The following ATP1B3 variants were observed in gnomAD, a reference collection of about 807,000 sequenced individuals.
ATP1B3 encodes sodium/potassium-transporting ATPase subunit beta-3.
A neutral mutation model predicts 30.2 loss-of-function variants in ATP1B3; 10 were observed. The observed-to-expected ratio is 0.33, with a 90% CI of 0.20 to 0.56. ATP1B3 has a LOEUF of 0.56. Among genes scored for constraint, ATP1B3 ranks in the 20% least tolerant of loss-of-function variants. The pLI is 0.90. For synonymous variants in ATP1B3, 113 were observed against 117.0 expected (o/e 0.97, Z 0.22); for missense variants, 238 against 336.7 (o/e 0.71, Z 2.29).
intron 1 of ATP1B3, among the ~76,000 whole-genome samples, chr3:141,877,217 G>T (rs1933619105): frequency 6.6e-6 from 1 of 151,802 alleles, no homozygotes; most frequent in Non-Finnish European, 1.5e-5. Context: ...CGCGGCGCCG[G>T]AAGCCGGGGA....
At position 141,907,283 on chromosome 3, in the gene ATP1B3, G is replaced by A. The variant is rs1370810612; in HGVS notation, c.346+9G>A. The A allele has an allele frequency of 5.0e-6, 8 of 1,599,214 alleles. No homozygotes were observed. The South Asian group carries it at 7.8e-5, about 16-fold the overall frequency. On this transcript the variant is annotated intron_variant, in intron 3 of 6. Coordinates refer to ENST00000286371, the MANE Select transcript of ATP1B3 (RefSeq NM_001679.4). Reference sequence around the variant, plus strand: ...TAAGAAGTTTCTAAAACGTGAGTATGTTTTCTTAGAGTAAGGTCAGAGATT... The same window carrying A: ...TAAGAAGTTTCTAAAACGTGAGTATATTTTCTTAGAGTAAGGTCAGAGATT...
chr3:141,912,931 C>T (rs1339282539), intron 3 of ATP1B3, among the ~76,000 whole-genome samples: 2 of 152,190 alleles, frequency 1.3e-5, no homozygotes, highest in African/African-American at 2.4e-5. Flanking sequence ...AACTTGTTTT[C>T]CGGATCCTTT....
chr3:141,879,777 T>TCAAAAAACAAAAAAAA (rs1553743171), intron 1 of ATP1B3, among the ~76,000 whole-genome samples: 1 of 58,842 alleles, frequency 1.7e-5, no homozygotes, highest in Non-Finnish European at 3.4e-5. Context: ...AGTCTCCATC[T>TCAAAAAACAAAAAAAA]CAAAAAAAAA....
At chr3:141,906,003 A>G (rs1934258249) in intron 2 of ATP1B3, among the ~76,000 whole-genome samples, 1 of 150,994 alleles carries the variant, frequency 6.6e-6, no homozygotes, top group Non-Finnish European at 1.5e-5. Flanking sequence ...CTTATTTAAT[A>G]TATCACATGT....
intron 5 of ATP1B3, among the ~76,000 whole-genome samples, chr3:141,917,220 G>T (rs1348175582): frequency 6.6e-6 from 1 of 152,038 alleles, no homozygotes; most frequent in Non-Finnish European, 1.5e-5. Context: ...CCCACATTTT[G>T]AGAACTCCCG....
In ATP1B3 at chr3:141,919,448, A is replaced by G. The variant is rs372979107; in HGVS notation, c.583-2529A>G. Among the ~76,000 whole-genome samples, 48 of 152,320 alleles carry G rather than the reference A, an allele frequency of 3.2e-4. No individual in the cohort carries two copies. In the East Asian group the frequency reaches 9.1e-3, roughly 29 times the overall value. On this transcript the variant is annotated intron_variant, in intron 5 of 6. Coordinates refer to ENST00000286371, the MANE Select transcript of ATP1B3 (RefSeq NM_001679.4). Reference sequence around the variant, plus strand: ...GCCTTTTATATTATCAACTTAAAAGATGATCCTGCAAAAGATGTAATTTTC... The same window carrying G: ...GCCTTTTATATTATCAACTTAAAAGGTGATCCTGCAAAAGATGTAATTTTC...
chr3:141,922,658 C>T (rs756624783), intron 6 of ATP1B3, among the ~76,000 whole-genome samples: 131 of 148,684 alleles, frequency 8.8e-4, no homozygotes, highest in Middle Eastern at 3.7e-3. Flanking sequence ...GTTTCCCCCA[C>T]CAAAAAAATA....
chr3:141,901,861 A>T (rs1576394859), intron 1 of ATP1B3, among the ~76,000 whole-genome samples: 1 of 152,180 alleles, frequency 6.6e-6, no homozygotes, highest in African/African-American at 2.4e-5. Context: ...CTCCACTTTA[A>T]TGTCAACTGC....
intron 1 of ATP1B3, chr3:141,902,183 T>C (rs1248712866): frequency 7.8e-7 from 1 of 1,289,874 alleles, no homozygotes; most frequent in East Asian, 5.5e-5. Context: ...GGTGACATCC[T>C]GTTCTCCTCT....
At chr3:141,880,270 G>A (rs1933697688) in intron 1 of ATP1B3, among the ~76,000 whole-genome samples, 1 of 152,102 alleles carries the variant, frequency 6.6e-6, no homozygotes, top group Non-Finnish European at 1.5e-5. Context: ...CTGTGTATTT[G>A]GCTAATATCT....
chr3:141,896,768 C>T (rs567109475), intron 1 of ATP1B3, among the ~76,000 whole-genome samples: 1 of 152,166 alleles, frequency 6.6e-6, no homozygotes, highest in African/African-American at 2.4e-5. Flanking sequence ...TCACCTTCTA[C>T]TGTTTTAATT....
chr3:141,897,612 A>C (rs1934091526), intron 1 of ATP1B3, among the ~76,000 whole-genome samples: 1 of 152,218 alleles, frequency 6.6e-6, no homozygotes, highest in South Asian at 2.1e-4. Context: ...TTTATATTAC[A>C]ATAATTTTAA....
At chr3:141,892,897 A>G (rs1017362848) in intron 1 of ATP1B3, among the ~76,000 whole-genome samples, 1 of 152,268 alleles carries the variant, frequency 6.6e-6, no homozygotes, top group Non-Finnish European at 1.5e-5. Flanking sequence ...AATGGAGGAA[A>G]CTTACTATAT....
In ATP1B3 at chr3:141,908,364, C is replaced by T. The variant is rs534923072; in HGVS notation, c.346+1090C>T. On this transcript the variant is annotated intron_variant, in intron 3 of 6. Coordinates refer to ENST00000286371, the MANE Select transcript of ATP1B3 (RefSeq NM_001679.4). ...ATGTCCTGGCCTGCTGGTTCATGAT[C>T]AGCTCATCTCTTCCTCAGCCACAGA... Among the ~76,000 whole-genome samples, 23 of 152,242 alleles carry T rather than the reference C, an allele frequency of 1.5e-4. No individual in the cohort carries two copies. The South Asian group carries it at 4.4e-3, about 29-fold the overall frequency.
chr3:141,922,844 T>C (rs747788733), intron 6 of ATP1B3, among the ~76,000 whole-genome samples: 3 of 152,012 alleles, frequency 2.0e-5, no homozygotes, highest in Non-Finnish European at 4.4e-5. Flanking sequence ...CAGGCACCTG[T>C]AGTCCCAGCT....
chr3:141,894,615 C>G (rs36111803), intron 1 of ATP1B3, among the ~76,000 whole-genome samples: 2,054 of 151,380 alleles, frequency 0.014, 17 homozygotes, highest in Middle Eastern at 0.024. Context: ...CACAAACATG[C>G]ACATTAGCCT....
chr3:141,925,726 T>TA lies in ATP1B3; in HGVS notation c.*28dup. 6.3e-7 allele frequency: 1 copy of TA among 1,596,314 alleles called. No individual in the cohort carries two copies. The highest frequency in any genetic ancestry group is 8.5e-7 in the Non-Finnish European group (1 of 1,172,596). On this transcript the variant is annotated 3_prime_UTR_variant, in exon 7 of 7. Coordinates refer to ENST00000286371, the MANE Select transcript of ATP1B3 (RefSeq NM_001679.4). ...GTATGAGTAGGATATCTCCACAGAG[T>TA]AAATGTTGTGTTGTCTGTCTTCATT...
chr3:141,894,147 C>A (rs1934013673), intron 1 of ATP1B3, among the ~76,000 whole-genome samples: 1 of 152,120 alleles, frequency 6.6e-6, no homozygotes, highest in South Asian at 2.1e-4. Context: ...AGGGCACTGA[C>A]CTTGAATGGA....
At chr3:141,904,744 C>G (rs1934233274) in intron 2 of ATP1B3, among the ~76,000 whole-genome samples, 1 of 126,242 alleles carries the variant, frequency 7.9e-6, no homozygotes, top group Non-Finnish European at 1.6e-5. Context: ...GGCTTTGCTC[C>G]TGTTGCCTAG....
Sources: allele counts gnomAD v4.1 joint callset (sites outside exome capture counted in the v4.1 genomes callset), GRCh38; gene constraint gnomAD v4.1.1; transcripts MANE v1.5; gene names NCBI Gene and HGNC (gene_info 2026-07-23, HGNC 2026-07-21).